FAP: variants seen among roughly 807,000 people sequenced by gnomAD.
FAP encodes the protein fibroblast activation protein alpha, also known as prolyl endopeptidase FAP.
Under a neutral mutation model 126.5 loss-of-function variants are expected in FAP, and 110 were observed. The observed-to-expected ratio is 0.87, with a 90% CI of 0.74 to 1.02. FAP has a LOEUF of 1.02. FAP is among the 50% of genes least tolerant of loss of function. The pLI, the probability that FAP is intolerant of heterozygous loss-of-function variation, is 0.00. For missense variants in FAP, 919 were observed against 909.2 expected (o/e 1.01, Z -0.14); for synonymous variants, 334 against 297.3 (o/e 1.12, Z -1.27).
At chr2:162,175,652 T>C (rs1183358119) in intron 21 of FAP, 1 of 152,150 alleles carries the variant, frequency 6.6e-6, no homozygotes, top group Non-Finnish European at 1.5e-5. Context: ...AGGATGCAAT[T>C]TGCAGAGTCA....
At chr2:162,224,381 C>T in intron 5 of FAP, 85 bp downstream of exon 5, 1 of 758,586 alleles carries the variant, frequency 1.3e-6, no homozygotes, top group Non-Finnish European at 2.3e-6. Flanking sequence ...TAAAGACAGA[C>T]TCTTGCTTTC....
intron 25 of FAP, 153 bp downstream of exon 25, chr2:162,172,658 G>A: frequency 1.7e-6 from 1 of 587,020 alleles, no homozygotes. Flanking sequence ...GTTAAAGAAA[G>A]ATCCAAGATT....
At chr2:162,213,703 A>AT (rs780164478) in intron 11 of FAP, among the ~76,000 whole-genome samples, 25 of 152,102 alleles carry the variant, frequency 1.6e-4, no homozygotes, top group Admixed American at 3.9e-4. Flanking sequence ...ATGTTGTCCC[A>AT]TTTTTTCTTT....
chr2:162,217,623 T>C (rs1391945974), intron 9 of FAP, among the ~76,000 whole-genome samples: 2 of 152,228 alleles, frequency 1.3e-5, no homozygotes, highest in East Asian at 3.8e-4. Context: ...GTATTTCATA[T>C]TCTAGTTTGC....
intron 2 of FAP, among the ~76,000 whole-genome samples, chr2:162,228,183 G>T (rs1335661226): frequency 6.6e-6 from 1 of 152,132 alleles, no homozygotes; most frequent in Non-Finnish European, 1.5e-5. Context: ...TGGCTGGATG[G>T]CTGGTTGGGT....
intron 11 of FAP, 75 bp from the exon 12 acceptor site, chr2:162,210,071 A>G: frequency 7.6e-7 from 1 of 1,315,584 alleles, no homozygotes; most frequent in Non-Finnish European, 1.1e-6. Flanking sequence ...GGACATTTGG[A>G]AACAGTTAAG....
At chr2:162,230,605 C>A (rs1689860280) in intron 2 of FAP, among the ~76,000 whole-genome samples, 1 of 151,574 alleles carries the variant, frequency 6.6e-6, no homozygotes, top group African/African-American at 2.4e-5. Flanking sequence ...TCTTCCCTTA[C>A]TTTCTACCCT....
chr2:162,177,875 C>T (rs1687539333), intron 21 of FAP, among the ~76,000 whole-genome samples: 1 of 152,108 alleles, frequency 6.6e-6, no homozygotes, highest in South Asian at 2.1e-4. Context: ...TTACTTTGTG[C>T]AATCCTCACG....
intron 17 of FAP, 82 bp from the exon 18 acceptor site, chr2:162,189,836 A>G (rs1559766853): frequency 1.4e-6 from 1 of 735,860 alleles, no homozygotes; most frequent in Non-Finnish European, 2.3e-6. Context: ...TGACTTCAAT[A>G]TGGGTGAAAC....
At chr2:162,225,670 T>C in intron 3 of FAP, 93 bp from the exon 4 acceptor site, 1 of 1,330,600 alleles carries the variant, frequency 7.5e-7, no homozygotes, top group Non-Finnish European at 1.0e-6. Context: ...ACAGACCTAC[T>C]TTGTTTTTCC....
At chr2:162,218,177 ATCTTAC>A (rs760539776) in intron 8 of FAP, 37 bp from the exon 9 acceptor site, 2 of 1,362,482 alleles carry the variant, frequency 1.5e-6, no homozygotes, top group Non-Finnish European at 2.0e-6. Context: ...CTATAATTAC[ATCTTAC>A]TCTTAAAATC....
chr2:162,243,009 G>T lies in FAP; in HGVS notation c.7-17C>A. ...TACCCAAGTCTACATAAAATAAAGA[G>T]AATTAGGCATACACACAGTTCCTGC... is the stretch of plus-strand genomic sequence containing the variant. On this transcript the variant is annotated splice_polypyrimidine_tract_variant and intron_variant, in intron 1 of 25. Transcript: ENST00000188790. The T allele has an allele frequency of 6.3e-7, 1 of 1,593,508 alleles. No individual in the cohort carries two copies. The highest frequency in any genetic ancestry group is 1.7e-4 in the Middle Eastern group (1 of 6,016).
rs1687922552 is a variant in FAP, at chr2:162,188,301, A to G, written c.1682T>C (p.Leu561Pro). ...AATGACCATCCCTTCCTTACTTGCA[A>G]GATAAGATATCCAATTAACAGCAAA... ...SVFAVNWISY[L>P]ASKEGMVIAL... Residue 561 changes from leucine to proline, a missense_variant, in exon 20 of 26, where the codon CTT becomes CCT. Physicochemically the swap from Leu to Pro is moderately conservative, Grantham distance 98. Coordinates refer to ENST00000188790, the MANE Select transcript of FAP (RefSeq NM_004460.5). 1 of 1,613,246 alleles carries G rather than the reference A, an allele frequency of 6.2e-7. No individual in the cohort carries two copies.
At chr2:162,194,640 G>A in intron 17 of FAP, 61 bp downstream of exon 17, 1 of 1,460,672 alleles carries the variant, frequency 6.8e-7, no homozygotes, top group East Asian at 2.3e-5. Context: ...TTCTCTAGCG[G>A]AGCATCACAG....
intron 2 of FAP, among the ~76,000 whole-genome samples, chr2:162,229,578 A>G (rs1276486636): frequency 6.6e-6 from 1 of 152,190 alleles, no homozygotes; most frequent in African/African-American, 2.4e-5. Flanking sequence ...AATATTGTAC[A>G]ATGAATAAAT....
At chr2:162,174,290 G>T (rs1265321660) in intron 22 of FAP, among the ~76,000 whole-genome samples, 2 of 151,888 alleles carry the variant, frequency 1.3e-5, no homozygotes, top group African/African-American at 4.8e-5. Context: ...TTTTATTTCT[G>T]CCCCAATATA....
intron 4 of FAP, 65 bp downstream of exon 4, chr2:162,225,411 TTGAACTC>T (rs1689596011): frequency 6.5e-7 from 1 of 1,544,696 alleles, no homozygotes; most frequent in Non-Finnish European, 8.8e-7. Flanking sequence ...TGCTAAGACT[TTGAACTC>T]TGTTTCTTGG....
chr2:162,196,187 T>C (rs1367120546), intron 16 of FAP, among the ~76,000 whole-genome samples: 1 of 152,192 alleles, frequency 6.6e-6, no homozygotes, highest in Non-Finnish European at 1.5e-5. Flanking sequence ...ATTTTCCAAC[T>C]AGCCTTTACA....
At chr2:162,173,078 G>T (rs1687372456) in intron 24 of FAP, 71 bp downstream of exon 24, 4 of 1,396,668 alleles carry the variant, frequency 2.9e-6, no homozygotes, top group Non-Finnish European at 4.1e-6. Flanking sequence ...ATAGGAGGAT[G>T]CTTAATGTTT....
Sources: gnomAD v4.1 joint callset for allele counts (sites outside exome capture counted in the v4.1 genomes callset) on GRCh38, gnomAD v4.1.1 for gene constraint, MANE v1.5 for transcripts, NCBI Gene and HGNC (gene_info 2026-07-23, HGNC 2026-07-21) for gene names.